The following RAD51B variants were observed in gnomAD, a reference collection of about 807,000 sequenced individuals.
RAD51B encodes the protein DNA repair protein RAD51 homolog 2.
In RAD51B, 38 loss-of-function variants were observed where a neutral mutation model predicts 42.2. The observed-to-expected ratio is 0.90, with a 90% CI of 0.70 to 1.18. RAD51B has a LOEUF of 1.18. Among genes scored for constraint, RAD51B ranks in the 50% most tolerant of loss-of-function variants. RAD51B has a pLI of 0.00. For synonymous variants in RAD51B, 154 were observed against 145.2 expected (o/e 1.06, Z -0.43); for missense variants, 373 against 400.7 (o/e 0.93, Z 0.59).
intron 8 of RAD51B, among the ~76,000 whole-genome samples, chr14:68,401,385 G>A (rs2084099635): frequency 6.6e-6 from 1 of 152,198 alleles, no homozygotes; most frequent in African/African-American, 2.4e-5. Flanking sequence ...TGGAGTTGTT[G>A]AGTGATTTGT....
At position 68,088,735 on chromosome 14, in the gene RAD51B, G is replaced by A. The variant is rs142997854; in HGVS notation, c.756+201531G>A. Among the ~76,000 whole-genome samples, 385 of 152,014 alleles carry A rather than the reference G, an allele frequency of 2.5e-3. 1 individual carries two copies. Among genetic ancestry groups the A allele is most frequent in the African/African-American group, 9.0e-3 (373 of 41,480 alleles). ...GAAATAAATGGTGTCTGGGGTAATT[G>A]TGCTGGTGTTTTTTCCTGCATGAGA... On this transcript the variant is annotated intron_variant, in intron 7 of 10. Transcript: ENST00000471583.
chr14:68,567,297 C>G (rs576912080), intron 10 of RAD51B, among the ~76,000 whole-genome samples: 11 of 145,064 alleles, frequency 7.6e-5, no homozygotes, highest in Admixed American at 2.1e-4. Context: ...AAGACTCTGT[C>G]TCAGAAAGAA....
chr14:68,271,244 C>G (rs1250147249), intron 7 of RAD51B, among the ~76,000 whole-genome samples: 1 of 152,022 alleles, frequency 6.6e-6, no homozygotes, highest in Non-Finnish European at 1.5e-5. Flanking sequence ...CATTGTATCC[C>G]AAGTGCCTAC....
intron 7 of RAD51B, among the ~76,000 whole-genome samples, chr14:68,285,048 C>T (rs555823892): frequency 1.2e-4 from 18 of 152,290 alleles, no homozygotes; most frequent in Non-Finnish European, 1.8e-4. Flanking sequence ...TCACCTCCAG[C>T]TCCTACCACA....
At chr14:68,610,025 C>T (rs1891613776) in intron 10 of RAD51B, among the ~76,000 whole-genome samples, 1 of 152,128 alleles carries the variant, frequency 6.6e-6, no homozygotes, top group Admixed American at 6.5e-5. Context: ...TCAGCCAGTG[C>T]TTCCATGAGC....
intron 10 of RAD51B, among the ~76,000 whole-genome samples, chr14:68,515,443 C>CTTTTT (rs59782915): frequency 3.0e-4 from 16 of 52,746 alleles, no homozygotes; most frequent in Non-Finnish European, 4.7e-4. Flanking sequence ...TCTTCTTCTT[C>CTTTTT]TTTTTTTTTT....
At chr14:67,996,980 C>CGTTT (rs796236183) in intron 7 of RAD51B, among the ~76,000 whole-genome samples, 1 of 152,110 alleles carries the variant, frequency 6.6e-6, no homozygotes. Context: ...GATAAATCTA[C>CGTTT]GTTTGTTTGT....
At chr14:68,322,836 G>T (rs1203910422) in intron 8 of RAD51B, among the ~76,000 whole-genome samples, 3 of 152,188 alleles carry the variant, frequency 2.0e-5, no homozygotes, top group African/African-American at 7.2e-5. Context: ...ACTGTGAGGT[G>T]AAAGGAGGGC....
At chr14:68,316,483 A>T (rs2082064401) in intron 8 of RAD51B, among the ~76,000 whole-genome samples, 1 of 152,226 alleles carries the variant, frequency 6.6e-6, no homozygotes, top group African/African-American at 2.4e-5. Context: ...ACTTTAGCCA[A>T]CATGCAACAT....
intron 8 of RAD51B, among the ~76,000 whole-genome samples, chr14:68,380,981 C>A (rs942900794): frequency 2.0e-5 from 3 of 152,206 alleles, no homozygotes; most frequent in African/African-American, 7.2e-5. Flanking sequence ...TCTATTGATA[C>A]ATTTCTAAAT....
chr14:68,222,683 ATAAAT>A (rs959442285), intron 7 of RAD51B, among the ~76,000 whole-genome samples: 33 of 152,218 alleles, frequency 2.2e-4, no homozygotes, highest in African/African-American at 7.5e-4. Flanking sequence ...AATAAAAAAA[ATAAAT>A]TAATAAATTA....
At chr14:68,287,898 A>G (rs1410433087) in intron 7 of RAD51B, among the ~76,000 whole-genome samples, 2 of 152,166 alleles carry the variant, frequency 1.3e-5, no homozygotes, top group Non-Finnish European at 2.9e-5. Context: ...TGAGCTAAGT[A>G]TTATCATACC....
At chr14:68,649,129 G>A (rs1892646554) in intron 10 of RAD51B, among the ~76,000 whole-genome samples, 1 of 152,142 alleles carries the variant, frequency 6.6e-6, no homozygotes, top group African/African-American at 2.4e-5. Context: ...TGGATTCCTT[G>A]GGCACATTAG....
chr14:67,986,888 T>C (rs2075203981), intron 7 of RAD51B, among the ~76,000 whole-genome samples: 1 of 152,144 alleles, frequency 6.6e-6, no homozygotes, highest in African/African-American at 2.4e-5. Context: ...CACACCACCA[T>C]GCCCAGCTAA....
chr14:68,043,856 AG>A (rs1195233683), intron 7 of RAD51B, among the ~76,000 whole-genome samples: 2 of 152,242 alleles, frequency 1.3e-5, no homozygotes, highest in African/African-American at 4.8e-5. Flanking sequence ...AAACCCCTAG[AG>A]GGCTAAAGTT....
At chr14:67,897,445 G>A (rs1300931142) in intron 7 of RAD51B, among the ~76,000 whole-genome samples, 1 of 151,846 alleles carries the variant, frequency 6.6e-6, no homozygotes, top group Non-Finnish European at 1.5e-5. Flanking sequence ...TTAAAAAATG[G>A]GCAAAAGAAC....
chr14:68,566,164 T>C (rs936717245), intron 10 of RAD51B, among the ~76,000 whole-genome samples: 1 of 152,230 alleles, frequency 6.6e-6, no homozygotes, highest in Admixed American at 6.5e-5. Flanking sequence ...CATAGCTTTT[T>C]ACTAGAATGT....
chr14:68,535,345 C>T (rs1887552486), intron 10 of RAD51B, among the ~76,000 whole-genome samples: 1 of 152,188 alleles, frequency 6.6e-6, no homozygotes, highest in Non-Finnish European at 1.5e-5. Context: ...GTGATCAAGG[C>T]ACCTTCTACT....
chr14:68,083,778 T>C (rs895368665), intron 7 of RAD51B, among the ~76,000 whole-genome samples: 2 of 152,180 alleles, frequency 1.3e-5, no homozygotes, highest in African/African-American at 4.8e-5. Flanking sequence ...GAGAGAAACA[T>C]GAAGAGTTCT....
Sources: allele counts gnomAD v4.1 joint callset (sites outside exome capture counted in the v4.1 genomes callset), GRCh38; gene constraint gnomAD v4.1.1; transcripts MANE v1.5; gene names NCBI Gene and HGNC (gene_info 2026-07-23, HGNC 2026-07-21).